EXOC6B: variants seen among roughly 807,000 people sequenced by gnomAD.
The protein encoded by EXOC6B is exocyst complex component 6B, also known as SEC15 homolog B.
Under a neutral mutation model 113.5 loss-of-function variants are expected in EXOC6B, and 54 were observed. The observed-to-expected ratio is 0.48, with a 90% CI of 0.38 to 0.60. The LOEUF (loss-of-function observed/expected upper bound fraction) is 0.60, where lower values mean the gene tolerates loss of function less well. EXOC6B is among the 20% of genes least tolerant of loss of function. EXOC6B has a pLI of 0.00. For synonymous variants in EXOC6B, 357 were observed against 339.0 expected (o/e 1.05, Z -0.58); for missense variants, 797 against 977.5 (o/e 0.82, Z 2.46).
chr2:72,787,191 TTTTA>T (rs1370208104), intron 1 of EXOC6B, among the ~76,000 whole-genome samples: 15 of 151,964 alleles, frequency 9.9e-5, no homozygotes, highest in Admixed American at 9.8e-4. Flanking sequence ...CAGGGTTTTA[TTTTA>T]TTTATTTTTT....
intron 20 of EXOC6B, among the ~76,000 whole-genome samples, chr2:72,238,114 T>C (rs1214467390): frequency 6.6e-6 from 1 of 152,172 alleles, no homozygotes; most frequent in African/African-American, 2.4e-5. Flanking sequence ...TCTACTTCTG[T>C]CTCTATAGAT....
intron 6 of EXOC6B, among the ~76,000 whole-genome samples, chr2:72,698,692 T>G (rs1468559223): frequency 3.9e-5 from 6 of 152,224 alleles, no homozygotes; most frequent in Admixed American, 3.9e-4. Flanking sequence ...ATTTTACCAC[T>G]GCCGACAGCA....
At chr2:72,662,266 A>G (rs958178018) in intron 6 of EXOC6B, among the ~76,000 whole-genome samples, 2 of 152,222 alleles carry the variant, frequency 1.3e-5, no homozygotes, top group African/African-American at 4.8e-5. Flanking sequence ...ATGTCCTAGC[A>G]TAAGACAAAA....
intron 6 of EXOC6B, among the ~76,000 whole-genome samples, chr2:72,605,007 A>G (rs1336473160): frequency 6.6e-6 from 1 of 152,154 alleles, no homozygotes. Context: ...AAGAATCTCC[A>G]ACTTGGCCAG....
chr2:72,678,233 AT>A (rs1410465896), intron 6 of EXOC6B, among the ~76,000 whole-genome samples: 1 of 152,050 alleles, frequency 6.6e-6, no homozygotes. Flanking sequence ...CACACTTTCA[AT>A]TTTTTCTTGC....
intron 19 of EXOC6B, among the ~76,000 whole-genome samples, chr2:72,363,832 T>A (rs1211987089): frequency 2.0e-5 from 3 of 152,086 alleles, no homozygotes; most frequent in Non-Finnish European, 4.4e-5. Flanking sequence ...GGAACCTGAA[T>A]CCATTCTGTT....
At chr2:72,259,012 G>GA (rs1683535885) in intron 20 of EXOC6B, among the ~76,000 whole-genome samples, 1 of 152,120 alleles carries the variant, frequency 6.6e-6, no homozygotes, top group Admixed American at 6.6e-5. Flanking sequence ...TCATGATACA[G>GA]AGTTCAATAC....
At chr2:72,633,028 T>G (rs1372796184) in intron 6 of EXOC6B, among the ~76,000 whole-genome samples, 1 of 152,228 alleles carries the variant, frequency 6.6e-6, no homozygotes, top group Non-Finnish European at 1.5e-5. Flanking sequence ...GAAACTAGAA[T>G]GAACTTGTAC....
At chr2:72,465,030 A>C in intron 18 of EXOC6B, 130 bp downstream of exon 18, 1 of 714,882 alleles carries the variant, frequency 1.4e-6, no homozygotes, top group Non-Finnish European at 2.4e-6. Context: ...AGGTTAATAA[A>C]TATAGCATGC....
intron 20 of EXOC6B, among the ~76,000 whole-genome samples, chr2:72,188,174 C>T (rs74882213): frequency 0.036 from 5,533 of 152,264 alleles, 326 homozygotes; most frequent in African/African-American, 0.13. Flanking sequence ...CCAGCTCCCA[C>T]CAGCTCCATG....
At position 72,597,676 on chromosome 2, in the gene EXOC6B, A is replaced by C. The variant is rs1452042442; in HGVS notation, c.670-22008T>G. Among the ~76,000 whole-genome samples the C allele has an allele frequency of 2.0e-5, 3 of 151,906 alleles. No homozygotes were observed. In the East Asian group the frequency reaches 5.8e-4, roughly 29 times the overall value. ...AGTGGATAAAAAGAAAGACTCAGCT[A>C]TATGTTGCCTATAAGAAACCCACTT... On this transcript the variant is annotated intron_variant, in intron 6 of 21. Coordinates refer to ENST00000272427, the MANE Select transcript of EXOC6B (RefSeq NM_015189.3).
intron 8 of EXOC6B, among the ~76,000 whole-genome samples, chr2:72,540,731 G>C (rs181890682): frequency 6.6e-6 from 1 of 152,122 alleles, no homozygotes; most frequent in Admixed American, 6.5e-5. Context: ...TCCATTACCC[G>C]TTAGGTAAAT....
chr2:72,201,476 C>T (rs1428961869), intron 20 of EXOC6B, among the ~76,000 whole-genome samples: 2 of 152,006 alleles, frequency 1.3e-5, no homozygotes, highest in Non-Finnish European at 2.9e-5. Context: ...CTTAAATACT[C>T]CCTGAATTTG....
At chr2:72,446,762 C>CA (rs1643241078) in intron 18 of EXOC6B, among the ~76,000 whole-genome samples, 1 of 152,110 alleles carries the variant, frequency 6.6e-6, no homozygotes, top group South Asian at 2.1e-4. Flanking sequence ...CATATACCCC[C>CA]AAACTTAAAA....
intron 6 of EXOC6B, among the ~76,000 whole-genome samples, chr2:72,708,613 T>C (rs1266861040): frequency 6.6e-6 from 1 of 152,198 alleles, no homozygotes; most frequent in Admixed American, 6.5e-5. Context: ...TATAAAGGAA[T>C]TTTGGAAGGT....
At chr2:72,675,429 C>T (rs373167132) in intron 6 of EXOC6B, among the ~76,000 whole-genome samples, 1 of 152,180 alleles carries the variant, frequency 6.6e-6, no homozygotes, top group African/African-American at 2.4e-5. Context: ...GGAATCTTTA[C>T]AGCTCATAAG....
chr2:72,673,261 T>C (rs527758321), intron 6 of EXOC6B, among the ~76,000 whole-genome samples: 93 of 152,306 alleles, frequency 6.1e-4, no homozygotes, highest in Non-Finnish European at 1.2e-3. Flanking sequence ...TTTTAAAATA[T>C]ACTAATGCCC....
chr2:72,438,537 A>G (rs1242213062), intron 18 of EXOC6B, among the ~76,000 whole-genome samples: 2 of 152,316 alleles, frequency 1.3e-5, no homozygotes, highest in African/African-American at 2.4e-5. Flanking sequence ...TAAGTCCAGC[A>G]GTTTGAGGTT....
chr2:72,324,931 C>A (rs944586040), intron 20 of EXOC6B, among the ~76,000 whole-genome samples: 77 of 152,152 alleles, frequency 5.1e-4, no homozygotes, highest in African/African-American at 1.7e-3. Context: ...ACACAACTCT[C>A]TGCTAACCTA....
Sources: allele counts gnomAD v4.1 joint callset (sites outside exome capture counted in the v4.1 genomes callset), GRCh38; gene constraint gnomAD v4.1.1; transcripts MANE v1.5; gene names NCBI Gene and HGNC (gene_info 2026-07-23, HGNC 2026-07-21).